The following SDK1 variants were observed in gnomAD, a reference collection of about 807,000 sequenced individuals.
The protein encoded by SDK1 is sidekick cell adhesion molecule 1, also known as protein sidekick-1.
In SDK1, 157 loss-of-function variants were observed where a neutral mutation model predicts 245.5. The ratio of observed to expected loss-of-function variants is 0.64; its 90% CI spans 0.56 to 0.73. The LOEUF (loss-of-function observed/expected upper bound fraction) is 0.73, where lower values mean the gene tolerates loss of function less well. SDK1 is among the 30% of genes least tolerant of loss of function. The probability of loss-of-function intolerance (pLI) is 0.00; values close to 1 mark genes in which losing one functional copy is unlikely to be tolerated. For missense variants in SDK1, 3,583 were observed against 3,002.3 expected, an observed-to-expected ratio of 1.19 and a Z score of -4.52; for synonymous variants, 1,647 against 1,278.5, an observed-to-expected ratio of 1.29 and a Z score of -6.15.
chr7:4,139,561 A>ATGTGTGTGTGTATGTGTGTG (rs71032928), intron 28 of SDK1, among the ~76,000 whole-genome samples: 1 of 21,588 alleles, frequency 4.6e-5, no homozygotes, highest in Non-Finnish European at 1.1e-4. Context: ...ATATGTATAT[A>ATGTGTGTGTGTATGTGTGTG]TGTGTGTATA....
At chr7:3,822,969 A>G (rs1049275532) in intron 5 of SDK1, among the ~76,000 whole-genome samples, 1 of 151,866 alleles carries the variant, frequency 6.6e-6, no homozygotes, top group Non-Finnish European at 1.5e-5. Context: ...AGTGGCCGTG[A>G]TGTGCTGTCA....
At chr7:4,226,984 AGGTGGCT>A (rs1785485351) in intron 40 of SDK1, among the ~76,000 whole-genome samples, 2 of 151,828 alleles carry the variant, frequency 1.3e-5, no homozygotes, top group African/African-American at 4.8e-5. Flanking sequence ...AGACGAGGGC[AGGTGGCT>A]GGAGGACAGG....
chr7:3,617,843 A>G (rs1047854187), intron 1 of SDK1, among the ~76,000 whole-genome samples: 2 of 152,134 alleles, frequency 1.3e-5, no homozygotes, highest in Admixed American at 6.5e-5. Flanking sequence ...AATGGCCATC[A>G]CATTTCATCA....
chr7:4,098,938 G>A (rs1011451858), intron 22 of SDK1, among the ~76,000 whole-genome samples: 4 of 149,274 alleles, frequency 2.7e-5, no homozygotes, highest in Non-Finnish European at 4.4e-5. Flanking sequence ...CTCCCAAAGT[G>A]CTGGGATTAC....
At chr7:3,727,928 G>C (rs1033250823) in intron 4 of SDK1, among the ~76,000 whole-genome samples, 1 of 152,178 alleles carries the variant, frequency 6.6e-6, no homozygotes, top group African/African-American at 2.4e-5. Context: ...ATTACATTTA[G>C]TCACTGTATT....
intron 32 of SDK1, among the ~76,000 whole-genome samples, chr7:4,167,952 A>T (rs1781595406): frequency 6.6e-6 from 1 of 152,238 alleles, no homozygotes; most frequent in South Asian, 2.1e-4. Flanking sequence ...CATGGGTTCC[A>T]TGGAGCCGCC....
intron 4 of SDK1, among the ~76,000 whole-genome samples, chr7:3,703,485 G>T (rs1055550083): frequency 1.3e-5 from 2 of 152,206 alleles, no homozygotes; most frequent in East Asian, 3.8e-4. Context: ...GTCTATTAGA[G>T]TAGCAAGAGG....
chr7:3,664,758 T>A (rs939290521), intron 4 of SDK1, among the ~76,000 whole-genome samples: 3 of 148,548 alleles, frequency 2.0e-5, no homozygotes, highest in African/African-American at 5.0e-5. Context: ...AAAAAAAAAA[T>A]TGAGAACTAG....
In SDK1 at chr7:3,941,300, C is replaced by G. The variant is rs558660626; in HGVS notation, c.848-9623C>G. ...TGTGGTAGGCTTTGGTTGTGGCTCC[C>G]TGACCGTGCTCCCACCCGCTCTAGA... On this transcript the variant is annotated intron_variant, in intron 5 of 44. Transcript: ENST00000404826. Among the ~76,000 whole-genome samples, 465 of 152,220 alleles carry G rather than the reference C, an allele frequency of 3.1e-3. 2 individuals carry two copies. Among genetic ancestry groups the G allele is most frequent in the Non-Finnish European group, 5.0e-3 (340 of 68,018 alleles).
intron 5 of SDK1, among the ~76,000 whole-genome samples, chr7:3,848,757 C>T (rs890469374): frequency 3.9e-5 from 6 of 151,946 alleles, no homozygotes; most frequent in Admixed American, 6.6e-5. Context: ...CTGCAACCTC[C>T]GCCTCCCGAG....
At chr7:4,030,680 A>G (rs1787741807) in intron 17 of SDK1, among the ~76,000 whole-genome samples, 1 of 152,220 alleles carries the variant, frequency 6.6e-6, no homozygotes, top group Admixed American at 6.5e-5. Context: ...TTAATTTCAT[A>G]TAACAAAACC....
At chr7:3,573,627 A>G (rs1780186173) in intron 1 of SDK1, among the ~76,000 whole-genome samples, 1 of 152,014 alleles carries the variant, frequency 6.6e-6, no homozygotes, top group Non-Finnish European at 1.5e-5. Flanking sequence ...TTTGAATATG[A>G]AAAAACAATA....
intron 1 of SDK1, among the ~76,000 whole-genome samples, chr7:3,586,203 G>T (rs992598965): frequency 6.6e-6 from 1 of 151,972 alleles, no homozygotes; most frequent in South Asian, 2.1e-4. Context: ...TGAGTGTCTT[G>T]GTGGAAAGGA....
chr7:3,588,339 A>G (rs181658514), intron 1 of SDK1, among the ~76,000 whole-genome samples: 87 of 152,360 alleles, frequency 5.7e-4, no homozygotes, highest in Non-Finnish European at 9.4e-4. Context: ...AAGTTTGTTT[A>G]CAACAGTCTT....
intron 4 of SDK1, among the ~76,000 whole-genome samples, chr7:3,769,934 GTC>G (rs1491009191): frequency 2.9e-5 from 4 of 138,436 alleles, no homozygotes; most frequent in East Asian, 2.0e-4. Flanking sequence ...TGTACTTATT[GTC>G]TGTGTGTGTG....
chr7:3,774,432 C>T (rs1241927827), intron 4 of SDK1, among the ~76,000 whole-genome samples: 2 of 152,164 alleles, frequency 1.3e-5, no homozygotes, highest in African/African-American at 4.8e-5. Context: ...CTCCTGCAAA[C>T]CGTATGCCAA....
intron 19 of SDK1, among the ~76,000 whole-genome samples, chr7:4,056,789 A>C (rs944354563): frequency 3.7e-4 from 57 of 152,176 alleles, no homozygotes; most frequent in African/African-American, 1.4e-3. Flanking sequence ...GCCCAGCCCC[A>C]CCAGAACATT....
chr7:3,962,653 G>T lies in SDK1; in HGVS notation c.1235-4G>T, dbSNP rs754873718. 5.0e-6 allele frequency: 8 copies of T among 1,598,984 alleles called. No homozygotes were observed. The highest frequency in any genetic ancestry group is 1.7e-4 in the Middle Eastern group (1 of 5,978). Reference sequence around the variant, plus strand: ...AAATCCTATTTATTCCCATTCCTACGCAGGGGTCCCCCTTCCCACCCTCCA... The same window carrying T: ...AAATCCTATTTATTCCCATTCCTACTCAGGGGTCCCCCTTCCCACCCTCCA... On this transcript the variant is annotated splice_polypyrimidine_tract_variant and splice_region_variant and intron_variant, in intron 8 of 44. Coordinates refer to ENST00000404826, the MANE Select transcript of SDK1 (RefSeq NM_152744.4).
chr7:3,939,854 G>GAT, intron 5 of SDK1, among the ~76,000 whole-genome samples: 1 of 152,324 alleles, frequency 6.6e-6, no homozygotes, highest in East Asian at 1.9e-4. Flanking sequence ...TTTTAACAAT[G>GAT]CAGAGAAAGG....
Sources: gnomAD v4.1 joint callset for allele counts (sites outside exome capture counted in the v4.1 genomes callset) on GRCh38, gnomAD v4.1.1 for gene constraint, MANE v1.5 for transcripts, NCBI Gene and HGNC (gene_info 2026-07-23, HGNC 2026-07-21) for gene names.